Variants in BCKDHB observed in about 807,000 individuals in gnomAD.
The protein encoded by BCKDHB is branched chain keto acid dehydrogenase E1 subunit beta.
In BCKDHB, 41 loss-of-function variants were observed where a neutral mutation model predicts 48.5. The observed-to-expected ratio is 0.85, with a 90% CI of 0.66 to 1.10. The LOEUF is 1.10. Among genes scored for constraint, BCKDHB ranks in the 50% least tolerant of loss-of-function variants. BCKDHB has a pLI of 0.00. For synonymous variants in BCKDHB, 201 were observed against 174.8 expected, an observed-to-expected ratio of 1.15 and a Z score of -1.18; for missense variants, 496 against 494.2, an observed-to-expected ratio of 1.00 and a Z score of -0.03.
At chr6:80,151,474 T>G (rs1771775220) in intron 3 of BCKDHB, among the ~76,000 whole-genome samples, 1 of 152,066 alleles carries the variant, frequency 6.6e-6, no homozygotes, top group Non-Finnish European at 1.5e-5. Context: ...TTGGGGCTTT[T>G]AAACTGTATT....
At chr6:80,408,003 CTCT>C in the BCKDHB span, among the ~76,000 whole-genome samples, 11 of 152,106 alleles carry the variant, frequency 7.2e-5, no homozygotes, top group Non-Finnish European at 8.8e-5. Context: ...TCGTAAGTAG[CTCT>C]TATTATTTTG....
At chr6:80,277,364 T>G (rs570766066) in intron 9 of BCKDHB, among the ~76,000 whole-genome samples, 22 of 152,186 alleles carry the variant, frequency 1.4e-4, no homozygotes, top group Admixed American at 3.9e-4. Context: ...TCACCCAAAT[T>G]AATTTATATA....
intron 8 of BCKDHB, among the ~76,000 whole-genome samples, chr6:80,217,061 G>A (rs1240840059): frequency 6.6e-6 from 1 of 152,028 alleles, no homozygotes; most frequent in Non-Finnish European, 1.5e-5. Flanking sequence ...TGACCAACAT[G>A]GTGAAACCCC....
At chr6:80,255,715 T>C (rs1037088696) in intron 8 of BCKDHB, among the ~76,000 whole-genome samples, 4 of 152,166 alleles carry the variant, frequency 2.6e-5, no homozygotes, top group Admixed American at 2.6e-4. Context: ...TAGAGAACAA[T>C]GGAAATTTAG....
At chr6:80,231,819 G>A (rs973557480) in intron 8 of BCKDHB, among the ~76,000 whole-genome samples, 5 of 152,140 alleles carry the variant, frequency 3.3e-5, no homozygotes, top group African/African-American at 9.7e-5. Context: ...ACAAAAATTA[G>A]CCGGGCCTGG....
chr6:80,150,550 CTTTTTT>C (rs758701261), intron 3 of BCKDHB, among the ~76,000 whole-genome samples: 3 of 105,476 alleles, frequency 2.8e-5, no homozygotes, highest in Admixed American at 1.2e-4. Flanking sequence ...AGTTTGTCAT[CTTTTTT>C]TTTTTTTTTT....
chr6:80,434,584 T>G, the BCKDHB span, among the ~76,000 whole-genome samples: 1 of 152,192 alleles, frequency 6.6e-6, no homozygotes, highest in African/African-American at 2.4e-5. Context: ...CATTAAAGGT[T>G]GTTAAATTTT....
downstream of BCKDHB, among the ~76,000 whole-genome samples, chr6:80,351,180 T>C (rs1752886293): frequency 6.6e-6 from 1 of 152,224 alleles, no homozygotes. Flanking sequence ...GTCCTTCATA[T>C]AGGGCTAAAT....
At position 80,320,420 on chromosome 6, in the gene BCKDHB, C is replaced by T. The variant is rs369105712; in HGVS notation, c.1039-23244C>T. 1.8e-4 allele frequency among the ~76,000 whole-genome samples: 27 copies of T among 152,144 alleles called. No homozygotes were observed. In the East Asian group the frequency reaches 2.3e-3, roughly 13 times the overall value. On this transcript the variant is annotated intron_variant, in intron 9 of 9. Coordinates refer to ENST00000320393, the MANE Select transcript of BCKDHB (RefSeq NM_183050.4). ...GCCTTTTATGTCCTTTCTCTTTTTT[C>T]ATACATCTTGATAATTGTAGTGTTT...
intron 8 of BCKDHB, among the ~76,000 whole-genome samples, chr6:80,260,212 G>GGT (rs148736682): frequency 7.4e-4 from 112 of 151,146 alleles, no homozygotes; most frequent in African/African-American, 2.3e-3. Context: ...GGTAATGGTG[G>GGT]GTGTGTGTGT....
chr6:80,385,012 G>A, the BCKDHB span, among the ~76,000 whole-genome samples: 11 of 152,262 alleles, frequency 7.2e-5, no homozygotes, highest in East Asian at 1.9e-3. Context: ...AGAGAGTTAC[G>A]TAAAATAAAT....
downstream of BCKDHB, among the ~76,000 whole-genome samples, chr6:80,348,738 A>G (rs1582607652): frequency 6.6e-6 from 1 of 152,308 alleles, no homozygotes; most frequent in Non-Finnish European, 1.5e-5. Flanking sequence ...CTTTGGCCTG[A>G]TGGATGAGGA....
intron 1 of BCKDHB, among the ~76,000 whole-genome samples, chr6:80,122,360 C>T (rs577902709): frequency 5.8e-4 from 89 of 152,264 alleles, no homozygotes; most frequent in Non-Finnish European, 1.0e-3. Context: ...TGATGTTAGC[C>T]TCATAAAATG....
intron 8 of BCKDHB, among the ~76,000 whole-genome samples, chr6:80,239,546 G>A (rs1776291711): frequency 6.6e-6 from 1 of 152,128 alleles, no homozygotes; most frequent in African/African-American, 2.4e-5. Flanking sequence ...CTCCCATTCT[G>A]TAGGTTGCCT....
At chr6:80,119,176 G>A (rs535759036) in intron 1 of BCKDHB, among the ~76,000 whole-genome samples, 2 of 152,180 alleles carry the variant, frequency 1.3e-5, no homozygotes, top group Non-Finnish European at 2.9e-5. Flanking sequence ...TGTAATCCCT[G>A]GGGTGGCTGT....
intron 9 of BCKDHB, among the ~76,000 whole-genome samples, chr6:80,324,722 A>T (rs1012406998): frequency 6.6e-6 from 1 of 152,042 alleles, no homozygotes; most frequent in Admixed American, 6.6e-5. Context: ...CAATACTGCT[A>T]TCCTGCTCCC....
the BCKDHB span, among the ~76,000 whole-genome samples, chr6:80,404,860 C>G: frequency 1.3e-5 from 2 of 151,914 alleles, no homozygotes; most frequent in Admixed American, 6.6e-5. Flanking sequence ...TCCAGTTTGT[C>G]TCCTGTTATT....
At chr6:80,176,768 G>A (rs1016881269) in intron 6 of BCKDHB, among the ~76,000 whole-genome samples, 1 of 152,072 alleles carries the variant, frequency 6.6e-6, no homozygotes, top group Non-Finnish European at 1.5e-5. Flanking sequence ...CTGTTGGAAG[G>A]AAACAAAATC....
chr6:80,434,157 T>A, the BCKDHB span, among the ~76,000 whole-genome samples: 1 of 152,152 alleles, frequency 6.6e-6, no homozygotes, highest in Non-Finnish European at 1.5e-5. Flanking sequence ...ATTCTGCCAT[T>A]GTATTCATAC....
Sources: allele counts gnomAD v4.1 joint callset (sites outside exome capture counted in the v4.1 genomes callset), GRCh38; gene constraint gnomAD v4.1.1; transcripts MANE v1.5; gene names NCBI Gene and HGNC (gene_info 2026-07-23, HGNC 2026-07-21).